Variants in TTC39C observed in about 807,000 individuals in gnomAD.
TTC39C encodes the protein tetratricopeptide repeat protein 39C.
Under a neutral mutation model 76.3 loss-of-function variants are expected in TTC39C, and 33 were observed. The observed-to-expected ratio is 0.43, with a 90% CI of 0.33 to 0.58. The LOEUF (loss-of-function observed/expected upper bound fraction) is 0.58. Among genes scored for constraint, TTC39C ranks in the 20% least tolerant of loss-of-function variants. The pLI is 0.04. For synonymous variants in TTC39C, 254 were observed against 260.6 expected, an observed-to-expected ratio of 0.97 and a Z score of 0.24; for missense variants, 595 against 701.4, an observed-to-expected ratio of 0.85 and a Z score of 1.71.
intron 6 of TTC39C, among the ~76,000 whole-genome samples, chr18:24,092,517 G>GATACATTC (rs2084536141): frequency 6.6e-6 from 1 of 152,164 alleles, no homozygotes; most frequent in Non-Finnish European, 1.5e-5. Context: ...AACAACATGT[G>GATACATTC]ATACATTCAT....
intron 4 of TTC39C, among the ~76,000 whole-genome samples, chr18:24,076,642 A>G (rs1184370206): frequency 1.3e-5 from 2 of 151,966 alleles, no homozygotes; most frequent in Non-Finnish European, 2.9e-5. Context: ...GCCAAGTTGG[A>G]CGCAGAATGT....
chr18:23,994,698 C>T (rs750457202), intron 1 of TTC39C, among the ~76,000 whole-genome samples: 24 of 152,172 alleles, frequency 1.6e-4, no homozygotes, highest in Non-Finnish European at 3.1e-4. Flanking sequence ...GTATCTTGGA[C>T]GGCTGTTGCT....
At chr18:24,129,960 A>C (rs1260877144) in intron 11 of TTC39C, among the ~76,000 whole-genome samples, 1 of 152,194 alleles carries the variant, frequency 6.6e-6, no homozygotes, top group Non-Finnish European at 1.5e-5. Flanking sequence ...ACGCATGTCG[A>C]GATCATAGTT....
At chr18:24,003,924 A>T (rs1216360670) in intron 1 of TTC39C, among the ~76,000 whole-genome samples, 1 of 151,834 alleles carries the variant, frequency 6.6e-6, no homozygotes, top group Non-Finnish European at 1.5e-5. Context: ...GGCTTTTAAA[A>T]TTTTTCTAAA....
At chr18:24,126,292 A>G (rs578242797) in intron 10 of TTC39C, among the ~76,000 whole-genome samples, 1 of 152,294 alleles carries the variant, frequency 6.6e-6, no homozygotes, top group African/African-American at 2.4e-5. Context: ...TTCCAGAAAT[A>G]GTTTATAAGC....
intron 4 of TTC39C, among the ~76,000 whole-genome samples, chr18:24,072,771 CAT>C (rs2084257414): frequency 1.3e-5 from 2 of 152,200 alleles, no homozygotes; most frequent in Non-Finnish European, 2.9e-5. Context: ...ATTTTTAAAA[CAT>C]ATTTTATGGC....
In TTC39C at chr18:24,069,825, A is replaced by G. The variant is rs549878912; in HGVS notation, c.460+554A>G. On this transcript the variant is annotated intron_variant, in intron 4 of 13. Transcript: ENST00000317571. ...GGCTTAGCTTTAATTTCTTGAGTGAAATAGACTCAAGTGAGCCTCTAAAAC... is the reference window on the plus strand; with the variant it reads ...GGCTTAGCTTTAATTTCTTGAGTGAGATAGACTCAAGTGAGCCTCTAAAAC... Among the ~76,000 whole-genome samples the G allele has an allele frequency of 1.5e-4, 23 of 152,318 alleles. 1 individual carries two copies. Among genetic ancestry groups the G allele is most frequent in the African/African-American group, 5.3e-4 (22 of 41,582 alleles).
chr18:24,104,707 T>C (rs1209290829), intron 6 of TTC39C, among the ~76,000 whole-genome samples: 1 of 150,944 alleles, frequency 6.6e-6, no homozygotes, highest in African/African-American at 2.4e-5. Flanking sequence ...TGTGTGTGTG[T>C]GTGTGTGTGT....
At chr18:23,996,864 C>G (rs1352591297) in intron 1 of TTC39C, among the ~76,000 whole-genome samples, 2 of 152,186 alleles carry the variant, frequency 1.3e-5, no homozygotes, top group Admixed American at 6.5e-5. Flanking sequence ...AATCCCAGCA[C>G]TTTGGGAGGC....
At chr18:24,042,190 GT>G (rs2083802214) in intron 1 of TTC39C, among the ~76,000 whole-genome samples, 1 of 152,164 alleles carries the variant, frequency 6.6e-6, no homozygotes, top group South Asian at 2.1e-4. Flanking sequence ...GGCATTATGG[GT>G]AACCATTTAG....
intron 6 of TTC39C, among the ~76,000 whole-genome samples, chr18:24,086,708 G>C (rs1300686563): frequency 6.6e-6 from 1 of 152,136 alleles, no homozygotes; most frequent in Non-Finnish European, 1.5e-5. Flanking sequence ...ACTGTGCCTC[G>C]AACCTTCTCT....
At position 24,080,715 on chromosome 18, in the gene TTC39C, A is replaced by G; in HGVS notation, c.591A>G (p.Ala197=). 3 of 1,614,194 alleles carry G rather than the reference A, an allele frequency of 1.9e-6. No homozygotes were observed. The highest frequency in any genetic ancestry group is 2.5e-6 in the Non-Finnish European group (3 of 1,180,014). The change falls in exon 5 of 14, where the codon GCA becomes GCG. Residue 197 remains alanine, a synonymous_variant. Coordinates refer to ENST00000317571, the MANE Select transcript of TTC39C (RefSeq NM_001135993.2). The stretch of plus-strand genomic sequence containing the variant: ...AAGAGTCCTTGACTTCTGATGCTGC[A>G]AATGATAATCACATTGTGGCTGAAG... ...LTEESLTSDA[A]NDNHIVAEGV...
intron 1 of TTC39C, among the ~76,000 whole-genome samples, chr18:24,043,456 G>C (rs1265354755): frequency 6.6e-6 from 1 of 152,126 alleles, no homozygotes; most frequent in Non-Finnish European, 1.5e-5. Context: ...CAAGTTATTA[G>C]AGCATTCGGC....
At chr18:24,049,818 C>T (rs992803849) in intron 1 of TTC39C, among the ~76,000 whole-genome samples, 1 of 152,180 alleles carries the variant, frequency 6.6e-6, no homozygotes. Context: ...TAAATGGAAA[C>T]ACGGAATGGA....
intron 1 of TTC39C, among the ~76,000 whole-genome samples, chr18:24,062,005 A>G (rs1346788982): frequency 6.6e-6 from 1 of 152,222 alleles, no homozygotes. Context: ...CCTGCAGTGC[A>G]TTGTCACGTG....
chr18:24,113,474 G>T (rs1417408268), intron 6 of TTC39C: 2 of 658,168 alleles, frequency 3.0e-6, no homozygotes, highest in Non-Finnish European at 5.5e-6. Flanking sequence ...GCACTTGGGA[G>T]CATTGGAGGG....
intron 1 of TTC39C, among the ~76,000 whole-genome samples, chr18:23,993,422 A>C (rs1429437): frequency 0.53 from 80,974 of 152,188 alleles, 26,482 homozygotes; most frequent in Non-Finnish European, 0.74. Flanking sequence ...CAGATGCTCA[A>C]TAAATGCCAT....
At chr18:24,046,338 G>A (rs1487437) in intron 1 of TTC39C, among the ~76,000 whole-genome samples, 151,804 of 151,816 alleles carry the variant, frequency 1, 75,897 homozygotes, top group Non-Finnish European at 1. Context: ...TGTATGTGCC[G>A]AGCTTCAGAC....
chr18:24,099,820 A>G (rs996937674), intron 6 of TTC39C, among the ~76,000 whole-genome samples: 7 of 152,078 alleles, frequency 4.6e-5, no homozygotes, highest in Admixed American at 1.3e-4. Flanking sequence ...TAATGTTAAT[A>G]TATATTTACT....
Sources: gnomAD v4.1 joint callset for allele counts (sites outside exome capture counted in the v4.1 genomes callset) on GRCh38, gnomAD v4.1.1 for gene constraint, MANE v1.5 for transcripts, NCBI Gene and HGNC (gene_info 2026-07-23, HGNC 2026-07-21) for gene names.